EFCC1: variants seen among roughly 807,000 people sequenced by gnomAD.
The protein encoded by EFCC1 is EF-hand and coiled-coil domain containing 1, also known as EF-hand and coiled-coil domain-containing protein 1.
EFCC1 carries 50 observed loss-of-function variants against 52.1 expected under a neutral mutation model. That is an observed-to-expected ratio of 0.96 (90% CI 0.76 to 1.21). EFCC1 has a LOEUF of 1.21. Ranked by LOEUF, EFCC1 falls within the 50% of genes most tolerant of loss-of-function variation. The probability of loss-of-function intolerance (pLI) is 0.00; values close to 1 mark genes in which losing one functional copy is unlikely to be tolerated. For missense variants in EFCC1, 837 were observed against 867.3 expected (o/e 0.97, Z 0.44); for synonymous variants, 399 against 396.5 (o/e 1.01, Z -0.08).
chr3:129,004,961 G>T (rs1213097398), intron 2 of EFCC1, among the ~76,000 whole-genome samples: 1 of 152,200 alleles, frequency 6.6e-6, no homozygotes, highest in African/African-American at 2.4e-5. Context: ...TGGGGTCCCT[G>T]CCTGTGGGAG....
intron 2 of EFCC1, 43 bp downstream of exon 2, chr3:129,004,120 G>A (rs1238271823): frequency 7.0e-7 from 1 of 1,435,186 alleles, no homozygotes; most frequent in Non-Finnish European, 9.1e-7. Flanking sequence ...CCCCAATTCG[G>A]CTCCCATTTT....
At chr3:129,007,240 T>C (rs1945113162) in intron 2 of EFCC1, among the ~76,000 whole-genome samples, 1 of 152,218 alleles carries the variant, frequency 6.6e-6, no homozygotes, top group African/African-American at 2.4e-5. Context: ...AATTCACCTC[T>C]GCTTTTGCTT....
chr3:129,003,713 G>A, intron 1 of EFCC1, 81 bp from the exon 2 acceptor site: 1 of 1,234,110 alleles, frequency 8.1e-7, no homozygotes, highest in Non-Finnish European at 1.0e-6. Context: ...CAGAGGCATG[G>A]GGCCGCCGTC....
At chr3:129,033,001 C>T (rs1477086639) in intron 4 of EFCC1, 35 bp downstream of exon 4, 26 of 1,493,926 alleles carry the variant, frequency 1.7e-5, no homozygotes, top group Middle Eastern at 2.3e-4. Context: ...CACTGTGGGC[C>T]GCAGGCTCCA....
In EFCC1 at chr3:129,030,829, C is replaced by G. The variant is rs1400994067; in HGVS notation, c.1107C>G (p.Asp369Glu). 2 of 1,551,484 alleles carry G rather than the reference C, an allele frequency of 1.3e-6. No individual in the cohort carries two copies. The highest frequency in any genetic ancestry group is 2.4e-5 in the South Asian group (2 of 84,028). Residue 369 changes from aspartate (D) to glutamate (E), a missense_variant, in exon 3 of 8, where the codon GAC becomes GAG. By Grantham distance (45) the Asp-to-Glu change is conservative. Transcript: ENST00000683648. ...CTCCAGAGGGAGCCTGGCAGTCAGA[C>G]AGCAGCTCTGGAAGCAGAGCCCTGG... is the stretch of plus-strand genomic sequence containing the variant. The part of the protein sequence containing the change: ...DPTPEGAWQS[D>E]SSSGSRALDE...
chr3:129,039,900 C>T lies in EFCC1; in HGVS notation c.*52C>T. 6.5e-7 allele frequency: 1 copy of T among 1,540,836 alleles called. No individual in the cohort carries two copies. ...CTGCTCAGCCTGACTGCCTTTGGAC[C>T]AGCCTCCATGATCAGCCCAACCACT... On this transcript the variant is annotated 3_prime_UTR_variant, in exon 8 of 8. Transcript: ENST00000683648.
At chr3:129,017,032 T>C (rs1945615850) in intron 2 of EFCC1, among the ~76,000 whole-genome samples, 1 of 152,236 alleles carries the variant, frequency 6.6e-6, no homozygotes, top group Non-Finnish European at 1.5e-5. Context: ...CCTCAGCTTG[T>C]CATTTTGGCC....
At chr3:129,038,596 C>A (rs950868410) in intron 6 of EFCC1, among the ~76,000 whole-genome samples, 2 of 152,224 alleles carry the variant, frequency 1.3e-5, no homozygotes, top group Non-Finnish European at 2.9e-5. Context: ...TCCTTAGGTA[C>A]GTGATCTTTG....
intron 5 of EFCC1, 82 bp from the exon 6 acceptor site, chr3:129,036,895 G>C: frequency 6.2e-7 from 1 of 1,602,548 alleles, no homozygotes; most frequent in Non-Finnish European, 8.5e-7. Context: ...CACCAGCCTC[G>C]GGGAGATGGA....
chr3:129,036,585 T>C (rs1262613009), intron 5 of EFCC1, among the ~76,000 whole-genome samples: 1 of 152,180 alleles, frequency 6.6e-6, no homozygotes, highest in Non-Finnish European at 1.5e-5. Flanking sequence ...CGGCTGTGGC[T>C]CTTGGATAAG....
chr3:129,020,829 A>G (rs185888066), intron 2 of EFCC1, among the ~76,000 whole-genome samples: 81 of 152,214 alleles, frequency 5.3e-4, no homozygotes, highest in African/African-American at 2.0e-3. Flanking sequence ...GCACTTGCAG[A>G]CGGGAACCCT....
intron 4 of EFCC1, 50 bp from the exon 5 acceptor site, chr3:129,034,113 CG>C: frequency 6.2e-7 from 1 of 1,608,518 alleles, no homozygotes; most frequent in Non-Finnish European, 8.5e-7. Flanking sequence ...CTGGACAGAG[CG>C]GGCTCTGGGA....
At chr3:129,031,805 C>T (rs1243583346) in intron 3 of EFCC1, among the ~76,000 whole-genome samples, 1 of 152,202 alleles carries the variant, frequency 6.6e-6, no homozygotes, top group African/African-American at 2.4e-5. Context: ...TCTCAACTCC[C>T]AAGCCAGAAG....
chr3:129,002,889 C>T (rs1944864164), intron 1 of EFCC1, among the ~76,000 whole-genome samples: 1 of 152,196 alleles, frequency 6.6e-6, no homozygotes, highest in Non-Finnish European at 1.5e-5. Context: ...CACTCACGGG[C>T]CACCAAGTGC....
chr3:129,026,447 G>T (rs970023585), intron 2 of EFCC1, among the ~76,000 whole-genome samples: 1 of 152,188 alleles, frequency 6.6e-6, no homozygotes, highest in African/African-American at 2.4e-5. Context: ...TCCAGCCGCT[G>T]AAGTCCCTTA....
intron 1 of EFCC1, chr3:129,002,544 A>G (rs1170216394): frequency 4.5e-5 from 42 of 928,200 alleles, no homozygotes; most frequent in Non-Finnish European, 5.9e-5. Context: ...TCCATTCCTG[A>G]AAACCCCAAT....
chr3:129,032,213 C>G (rs1946286374), intron 3 of EFCC1, among the ~76,000 whole-genome samples: 1 of 152,186 alleles, frequency 6.6e-6, no homozygotes, highest in South Asian at 2.1e-4. Flanking sequence ...TCTGTCCATC[C>G]TGGTGCCTGT....
At chr3:129,008,015 G>A (rs754402703) in intron 2 of EFCC1, among the ~76,000 whole-genome samples, 2 of 152,220 alleles carry the variant, frequency 1.3e-5, no homozygotes, top group Admixed American at 1.3e-4. Flanking sequence ...GCTGTGAGCC[G>A]TCTTTGGCAG....
Position 129,003,927 on chromosome 3 carries a change from G to C in EFCC1, c.830G>C (p.Gly277Ala). ...GCCCGCGCTGGGCGGCTGCGCCGTG[G>C]CCAGGCCGAGGTGCGGCGGCGCGCG... Reference protein sequence around the residue: ...AEARAGRLRRGQAEVRRRAEE... With the variant: ...AEARAGRLRRAQAEVRRRAEE... Residue 277 changes from glycine to alanine, a missense_variant, in exon 2 of 8, where the codon GGC (glycine) becomes GCC (alanine). Coordinates refer to ENST00000683648, the MANE Select transcript of EFCC1 (RefSeq NM_001377500.1). 7.3e-7 allele frequency: 1 copy of C among 1,374,734 alleles called. No individual in the cohort carries two copies. 85.2% of individuals were successfully genotyped at this position (1,374,734 alleles called of 1,614,324 possible). A position where few individuals can be genotyped will look rare whatever the true frequency, so the allele number is the denominator to read the frequency against.
Sources: gnomAD v4.1 joint callset for allele counts (sites outside exome capture counted in the v4.1 genomes callset) on GRCh38, gnomAD v4.1.1 for gene constraint, MANE v1.5 for transcripts, NCBI Gene and HGNC (gene_info 2026-07-23, HGNC 2026-07-21) for gene names.